The following LHFPL2 variants were observed in gnomAD, a reference collection of about 807,000 sequenced individuals.
The protein encoded by LHFPL2 is LHFPL tetraspan subfamily member 2 protein.
LHFPL2 carries 7 observed loss-of-function variants against 17.5 expected under a neutral mutation model. The ratio of observed to expected loss-of-function variants is 0.40; its 90% confidence interval spans 0.23 to 0.75. LHFPL2 has a LOEUF of 0.75. Among genes scored for constraint, LHFPL2 ranks in the 30% least tolerant of loss-of-function variants. The pLI, the probability that LHFPL2 is intolerant of heterozygous loss-of-function variation, is 0.37. For missense variants in LHFPL2, 241 were observed against 294.8 expected, an observed-to-expected ratio of 0.82 and a Z score of 1.34; for synonymous variants, 134 against 116.2, an observed-to-expected ratio of 1.15 and a Z score of -0.99.
At chr5:78,570,633 A>AGTATATATATATATAC (rs1274946951) in intron 2 of LHFPL2, among the ~76,000 whole-genome samples, 5 of 145,740 alleles carry the variant, frequency 3.4e-5, no homozygotes, top group African/African-American at 5.2e-5. Context: ...GTATATATAT[A>AGTATATATATATATAC]GTATATATAT....
chr5:78,569,544 T>C (rs1292776693), intron 2 of LHFPL2, among the ~76,000 whole-genome samples: 1 of 152,226 alleles, frequency 6.6e-6, no homozygotes, highest in Non-Finnish European at 1.5e-5. Context: ...CTCACAATTG[T>C]GTCTGACAAC....
intron 2 of LHFPL2, among the ~76,000 whole-genome samples, chr5:78,597,694 A>G (rs1024806757): frequency 1.3e-5 from 2 of 152,250 alleles, no homozygotes; most frequent in African/African-American, 4.8e-5. Flanking sequence ...GAAGTAACAA[A>G]TAAGTCAGTA....
intron 2 of LHFPL2, among the ~76,000 whole-genome samples, chr5:78,600,173 G>A (rs916551278): frequency 6.6e-6 from 1 of 151,790 alleles, no homozygotes; most frequent in South Asian, 2.1e-4. Context: ...TTCAGGATGA[G>A]GTTCTTCAAG....
intron 2 of LHFPL2, among the ~76,000 whole-genome samples, chr5:78,601,943 T>G (rs1744032628): frequency 6.6e-6 from 1 of 152,158 alleles, no homozygotes; most frequent in Non-Finnish European, 1.5e-5. Context: ...TCAATGGGTG[T>G]GGGGAAGTTT....
At chr5:78,534,806 C>G (rs1368262945) in intron 3 of LHFPL2, among the ~76,000 whole-genome samples, 1 of 152,242 alleles carries the variant, frequency 6.6e-6, no homozygotes, top group African/African-American at 2.4e-5. Context: ...TTCCAGCCAC[C>G]TTGCCGTCCT....
At chr5:78,556,808 A>G (rs894533419) in intron 3 of LHFPL2, among the ~76,000 whole-genome samples, 2 of 152,220 alleles carry the variant, frequency 1.3e-5, no homozygotes, top group Non-Finnish European at 2.9e-5. Context: ...AGAATGTACA[A>G]AAAGGGATAC....
At chr5:78,497,423 C>A (rs192495383) in intron 4 of LHFPL2, among the ~76,000 whole-genome samples, 1 of 152,288 alleles carries the variant, frequency 6.6e-6, no homozygotes, top group Admixed American at 6.5e-5. Flanking sequence ...CTGCACACTA[C>A]CTTTTAACAT....
chr5:78,567,215 A>G (rs1409327108), intron 2 of LHFPL2, among the ~76,000 whole-genome samples: 5 of 152,198 alleles, frequency 3.3e-5, no homozygotes, highest in Non-Finnish European at 7.4e-5. Context: ...AGCTTTGAAA[A>G]TAACAGTCAT....
intron 4 of LHFPL2, among the ~76,000 whole-genome samples, chr5:78,492,174 AG>A (rs1236721784): frequency 1.3e-5 from 2 of 152,178 alleles, no homozygotes; most frequent in Admixed American, 6.5e-5. Flanking sequence ...CGGCACGCAA[AG>A]GCACTTTGGG....
At chr5:78,600,399 C>T (rs1444232627) in intron 2 of LHFPL2, among the ~76,000 whole-genome samples, 2 of 151,968 alleles carry the variant, frequency 1.3e-5, no homozygotes, top group Admixed American at 6.6e-5. Context: ...AAGACAATTC[C>T]TCCACTTTCT....
At chr5:78,523,424 G>A (rs780599848) in intron 3 of LHFPL2, among the ~76,000 whole-genome samples, 59 of 152,132 alleles carry the variant, frequency 3.9e-4, no homozygotes, top group Non-Finnish European at 7.1e-4. Flanking sequence ...GTAGGATGGA[G>A]CTCCCCCACA....
chr5:78,607,253 C>T (rs1469185561), intron 2 of LHFPL2, among the ~76,000 whole-genome samples: 1 of 151,894 alleles, frequency 6.6e-6, no homozygotes, highest in African/African-American at 2.4e-5. Flanking sequence ...GCTGGGATTA[C>T]AGGCACCCGC....
At chr5:78,543,870 T>C (rs2112380355) in intron 3 of LHFPL2, among the ~76,000 whole-genome samples, 1 of 152,324 alleles carries the variant, frequency 6.6e-6, no homozygotes, top group Non-Finnish European at 1.5e-5. Flanking sequence ...AGAAGATGAC[T>C]TGGGACGGGA....
chr5:78,555,758 A>G (rs1033064787), intron 3 of LHFPL2, among the ~76,000 whole-genome samples: 7 of 152,242 alleles, frequency 4.6e-5, no homozygotes, highest in Admixed American at 3.9e-4. Context: ...GAAGCCACAG[A>G]GTGGGCTGGA....
At chr5:78,510,961 A>G (rs1346217039) in intron 3 of LHFPL2, among the ~76,000 whole-genome samples, 1 of 150,942 alleles carries the variant, frequency 6.6e-6, no homozygotes, top group East Asian at 1.9e-4. Flanking sequence ...TAGCAGAGAC[A>G]TAAGTGTGTT....
At chr5:78,594,031 C>T (rs1743739172) in intron 2 of LHFPL2, among the ~76,000 whole-genome samples, 1 of 152,188 alleles carries the variant, frequency 6.6e-6, no homozygotes, top group Non-Finnish European at 1.5e-5. Flanking sequence ...CTCATTTAAG[C>T]CTCACCAGCC....
intron 2 of LHFPL2, among the ~76,000 whole-genome samples, chr5:78,609,822 G>C (rs79465290): frequency 3.4e-5 from 5 of 146,940 alleles, no homozygotes; most frequent in Admixed American, 2.0e-4. Context: ...TATTTTGAAA[G>C]AAAAAAAGTC....
intron 2 of LHFPL2, among the ~76,000 whole-genome samples, chr5:78,615,631 G>T (rs1744574517): frequency 6.6e-6 from 1 of 152,138 alleles, no homozygotes; most frequent in Non-Finnish European, 1.5e-5. Context: ...GAAGCATCGT[G>T]AGAAGCCCTT....
intron 1 of LHFPL2, among the ~76,000 whole-genome samples, chr5:78,639,660 A>G (rs1358557642): frequency 6.6e-6 from 1 of 152,052 alleles, no homozygotes; most frequent in African/African-American, 2.4e-5. Context: ...GTGATTTTAG[A>G]TTGTTTTTAA....
Sources: allele counts gnomAD v4.1 joint callset (sites outside exome capture counted in the v4.1 genomes callset), GRCh38; gene constraint gnomAD v4.1.1; transcripts MANE v1.5; gene names NCBI Gene and HGNC (gene_info 2026-07-23, HGNC 2026-07-21).